Variants in PATJ observed in about 807,000 individuals in gnomAD.
PATJ encodes inaD-like protein.
Under a neutral mutation model 224.9 loss-of-function variants are expected in PATJ, and 190 were observed. That is an observed-to-expected ratio of 0.84 (90% CI 0.75 to 0.95). The LOEUF (loss-of-function observed/expected upper bound fraction) is 0.95. Ranked by LOEUF, PATJ falls within the 40% of genes least tolerant of loss-of-function variation. The pLI is 0.00. For missense variants in PATJ, 2,121 were observed against 2,270.3 expected (o/e 0.93, Z 1.34); for synonymous variants, 769 against 820.3 (o/e 0.94, Z 1.07).
chr1:61,762,858 G>T lies in PATJ; in HGVS notation c.-35G>T. 1.4e-6 allele frequency: 2 copies of T among 1,388,672 alleles called. No individual in the cohort carries two copies. Among genetic ancestry groups the T allele is most frequent in the South Asian group, 1.4e-5 (1 of 71,952 alleles). The allele number at this position is 1,388,672 out of a possible 1,614,324, so 86.0% of individuals were successfully genotyped here. On this transcript the variant is annotated splice_region_variant and 5_prime_UTR_variant, in exon 2 of 44. Coordinates refer to ENST00000642238, the MANE Select transcript of PATJ (RefSeq NM_001350145.3). ...TTATATTGTTAAATTTTTTCTTTAGGTGTCTTTAAGAGTGATTGAAGAGAA... is the reference window on the plus strand; with the variant it reads ...TTATATTGTTAAATTTTTTCTTTAGTTGTCTTTAAGAGTGATTGAAGAGAA...
At chr1:61,871,466 T>TAC (rs1491232941) in intron 20 of PATJ, among the ~76,000 whole-genome samples, 1 of 137,480 alleles carries the variant, frequency 7.3e-6, no homozygotes, top group Non-Finnish European at 1.6e-5. Flanking sequence ...CGTATATATA[T>TAC]GTATATACAT....
intron 27 of PATJ, chr1:61,952,130 A>AGGCAGCTTT (rs1387422335): frequency 2.3e-6 from 1 of 438,258 alleles, no homozygotes; most frequent in Non-Finnish European, 4.1e-6. Flanking sequence ...ATAGTTTTCC[A>AGGCAGCTTT]GGCAGCTTTC....
intron 21 of PATJ, 68 bp from the exon 22 acceptor site, chr1:61,884,169 T>C: frequency 4.0e-6 from 5 of 1,235,822 alleles, no homozygotes; most frequent in Non-Finnish European, 5.6e-6. Context: ...TGCCCATACC[T>C]AGTTGTTGAA....
At chr1:62,023,745 CCTT>C (rs1242553017) in intron 29 of PATJ, among the ~76,000 whole-genome samples, 1 of 152,182 alleles carries the variant, frequency 6.6e-6, no homozygotes, top group East Asian at 1.9e-4. Context: ...GAGAAGCAAT[CCTT>C]CTTTAGGAAA....
chr1:62,068,495 C>A (rs566600239), intron 31 of PATJ, among the ~76,000 whole-genome samples: 1 of 152,300 alleles, frequency 6.6e-6, no homozygotes, highest in East Asian at 1.9e-4. Flanking sequence ...CCCAAAGCTC[C>A]TAAGCCTCTC....
rs542324141 is a variant in PATJ at position 61,848,238 on chromosome 1, T to G, written c.2113-7792T>G. The stretch of plus-strand genomic sequence containing the variant: ...ACTCGTGAAACTCTACACATCCAGG[T>G]GGGGACCGGGCTAGGTCTCAAAACT... On this transcript the variant is annotated intron_variant, in intron 17 of 43. Coordinates refer to ENST00000642238, the MANE Select transcript of PATJ (RefSeq NM_001350145.3). Among the ~76,000 whole-genome samples, 25 of 152,322 alleles carry G rather than the reference T, an allele frequency of 1.6e-4. No individual in the cohort carries two copies. In the South Asian group the frequency reaches 5.2e-3, roughly 32 times the overall value.
At chr1:62,108,900 A>C (rs1663460396) in intron 34 of PATJ, among the ~76,000 whole-genome samples, 1 of 152,200 alleles carries the variant, frequency 6.6e-6, no homozygotes, top group South Asian at 2.1e-4. Flanking sequence ...TATTTTAAAG[A>C]TTTTATGGCA....
intron 23 of PATJ, among the ~76,000 whole-genome samples, chr1:61,900,469 C>G (rs1670970730): frequency 6.6e-6 from 1 of 152,156 alleles, no homozygotes; most frequent in Admixed American, 6.5e-5. Context: ...ATTAAAGAAC[C>G]ACAGAGTTAA....
intron 27 of PATJ, among the ~76,000 whole-genome samples, chr1:61,967,615 G>A (rs1682359461): frequency 6.6e-6 from 1 of 152,128 alleles, no homozygotes; most frequent in Non-Finnish European, 1.5e-5. Context: ...ATCCTTCTCA[G>A]CTTCACTGTT....
At chr1:61,834,895 C>T (rs563121854) in intron 17 of PATJ, among the ~76,000 whole-genome samples, 3 of 152,082 alleles carry the variant, frequency 2.0e-5, no homozygotes, top group Non-Finnish European at 2.9e-5. Context: ...CACCTGGCTA[C>T]ATTTTGTATT....
chr1:62,033,289 CCAAT>C (rs1649677552), intron 29 of PATJ, among the ~76,000 whole-genome samples: 1 of 152,012 alleles, frequency 6.6e-6, no homozygotes, highest in Non-Finnish European at 1.5e-5. Context: ...TGAGTTTCAA[CCAAT>C]CAAAGTAACC....
At chr1:61,901,897 G>T (rs568998963) in intron 24 of PATJ, among the ~76,000 whole-genome samples, 1 of 152,160 alleles carries the variant, frequency 6.6e-6, no homozygotes, top group Non-Finnish European at 1.5e-5. Context: ...TCCATGATTC[G>T]CACCGGATAC....
intron 27 of PATJ, among the ~76,000 whole-genome samples, chr1:61,968,368 C>T (rs1682463447): frequency 6.6e-6 from 1 of 152,034 alleles, no homozygotes; most frequent in Non-Finnish European, 1.5e-5. Context: ...CCGTAAATAC[C>T]TTTTCAAGGG....
chr1:62,147,443 T>C (rs1424708764), intron 41 of PATJ, among the ~76,000 whole-genome samples: 1 of 152,128 alleles, frequency 6.6e-6, no homozygotes, highest in East Asian at 1.9e-4. Context: ...GCGGATCACT[T>C]GAGCTCAGAT....
At chr1:62,116,440 C>T (rs1664448483) in intron 35 of PATJ, 92 bp from the exon 36 acceptor site, 11 of 1,396,996 alleles carry the variant, frequency 7.9e-6, no homozygotes, top group Non-Finnish European at 9.7e-6. Context: ...AAGAAAGGAG[C>T]ATATATGTGT....
intron 29 of PATJ, among the ~76,000 whole-genome samples, chr1:62,020,612 A>G (rs1647023912): frequency 6.6e-6 from 1 of 152,250 alleles, no homozygotes. Flanking sequence ...AGTTTTGATC[A>G]TTGAACAGAA....
intron 26 of PATJ, among the ~76,000 whole-genome samples, chr1:61,923,646 G>A (rs1263312225): frequency 6.6e-6 from 1 of 152,068 alleles, no homozygotes; most frequent in African/African-American, 2.4e-5. Context: ...AGCCGGGCGT[G>A]GTGGCTCATG....
In PATJ at chr1:62,017,309, G is replaced by T. The variant is rs558051059; in HGVS notation, c.3868-547G>T. ...CACACCTGTCGTCCCAGCTACTCGG[G>T]AGGCTGAGGCAGGAGAATTGCTTGA... On this transcript the variant is annotated intron_variant, in intron 28 of 43. Coordinates refer to ENST00000642238, the MANE Select transcript of PATJ (RefSeq NM_001350145.3). Among the ~76,000 whole-genome samples the T allele has an allele frequency of 1.2e-4, 18 of 152,068 alleles. No homozygotes were observed. The South Asian group carries it at 3.7e-3, about 32-fold the overall frequency.
chr1:61,834,948 C>T (rs184734130), intron 17 of PATJ, among the ~76,000 whole-genome samples: 120 of 152,164 alleles, frequency 7.9e-4, no homozygotes, highest in African/African-American at 2.7e-3. Context: ...AGGCTGGTCT[C>T]GAACTCCTGA....
Sources: allele counts gnomAD v4.1 joint callset (sites outside exome capture counted in the v4.1 genomes callset), GRCh38; gene constraint gnomAD v4.1.1; transcripts MANE v1.5; gene names NCBI Gene and HGNC (gene_info 2026-07-23, HGNC 2026-07-21).